RIMS2: variants seen among roughly 807,000 people sequenced by gnomAD.
RIMS2 encodes the protein regulating synaptic membrane exocytosis 2.
A neutral mutation model predicts 174.4 loss-of-function variants in RIMS2; 59 were observed. The observed-to-expected ratio is 0.34, with a 90% CI of 0.27 to 0.42. RIMS2 has a LOEUF of 0.42. RIMS2 is among the 10% of genes least tolerant of loss of function. The probability of loss-of-function intolerance (pLI) is 1.00; values close to 1 mark genes in which losing one functional copy is unlikely to be tolerated. For synonymous variants in RIMS2, 606 were observed against 572.5 expected (o/e 1.06, Z -0.84); for missense variants, 1,620 against 1,666.3 (o/e 0.97, Z 0.48).
intron 19 of RIMS2, among the ~76,000 whole-genome samples, chr8:104,027,126 AG>A (rs771901502): frequency 1.3e-5 from 2 of 152,160 alleles, no homozygotes; most frequent in Non-Finnish European, 2.9e-5. Context: ...TGGACTTGAA[AG>A]AGGAGAAACT....
intron 15 of RIMS2, among the ~76,000 whole-genome samples, chr8:103,965,980 A>G (rs1053927414): frequency 6.6e-6 from 1 of 152,106 alleles, no homozygotes; most frequent in East Asian, 1.9e-4. Context: ...AGCTTTGTGT[A>G]TCCAAGATTA....
chr8:103,663,205 A>G (rs2096625736), intron 1 of RIMS2, among the ~76,000 whole-genome samples: 1 of 151,580 alleles, frequency 6.6e-6, no homozygotes, highest in Non-Finnish European at 1.5e-5. Flanking sequence ...GGAGGAAAAG[A>G]CTCTCTTAAT....
intron 1 of RIMS2, among the ~76,000 whole-genome samples, chr8:103,666,952 G>A (rs1000988759): frequency 2.0e-5 from 3 of 152,096 alleles, no homozygotes; most frequent in African/African-American, 4.8e-5. Flanking sequence ...GAAACCATTT[G>A]ACATTCTATA....
chr8:103,979,081 C>T (rs1490214707), intron 16 of RIMS2, among the ~76,000 whole-genome samples: 1 of 151,858 alleles, frequency 6.6e-6, no homozygotes, highest in Admixed American at 6.6e-5. Flanking sequence ...TTTTAAATTC[C>T]TGGAACTTAT....
At chr8:104,030,707 C>T (rs543076690) in intron 19 of RIMS2, among the ~76,000 whole-genome samples, 1 of 152,284 alleles carries the variant, frequency 6.6e-6, no homozygotes, top group African/African-American at 2.4e-5. Flanking sequence ...ATATGGCTAA[C>T]TCCCTTACTA....
At chr8:104,151,435 G>A (rs1489413314) in intron 19 of RIMS2, among the ~76,000 whole-genome samples, 1 of 152,110 alleles carries the variant, frequency 6.6e-6, no homozygotes, top group Non-Finnish European at 1.5e-5. Context: ...CCCTCATGAT[G>A]ACTTATGCCT....
intron 3 of RIMS2, among the ~76,000 whole-genome samples, chr8:103,840,456 C>A (rs2098932848): frequency 6.7e-6 from 1 of 148,860 alleles, no homozygotes; most frequent in African/African-American, 2.5e-5. Context: ...ATTTTGACTG[C>A]TGTATAATAT....
At chr8:103,874,493 A>C (rs2099126237) in intron 3 of RIMS2, among the ~76,000 whole-genome samples, 3 of 152,030 alleles carry the variant, frequency 2.0e-5, no homozygotes, top group Admixed American at 2.0e-4. Context: ...TCTTCATTCA[A>C]AAGACTAAGT....
At chr8:104,181,067 G>A (rs573093075) in intron 19 of RIMS2, among the ~76,000 whole-genome samples, 1 of 151,754 alleles carries the variant, frequency 6.6e-6, no homozygotes, top group Admixed American at 6.6e-5. Flanking sequence ...AAGTATAGAA[G>A]AAAATGTGAG....
intron 1 of RIMS2, among the ~76,000 whole-genome samples, chr8:103,528,330 A>G (rs1835132703): frequency 6.6e-6 from 1 of 151,744 alleles, no homozygotes; most frequent in Non-Finnish European, 1.5e-5. Flanking sequence ...ATTTTCTTCC[A>G]TTCTGTAGGT....
At chr8:103,609,182 T>C (rs2095274593) in intron 1 of RIMS2, among the ~76,000 whole-genome samples, 1 of 152,218 alleles carries the variant, frequency 6.6e-6, no homozygotes, top group African/African-American at 2.4e-5. Context: ...TCATGTCTTT[T>C]ACCCACTTTT....
intron 1 of RIMS2, among the ~76,000 whole-genome samples, chr8:103,562,564 C>A (rs1388403746): frequency 6.6e-6 from 1 of 152,220 alleles, no homozygotes; most frequent in Non-Finnish European, 1.5e-5. Context: ...CTCCCTCCCG[C>A]TGCCTTCATG....
At chr8:104,117,283 T>C (rs2098293880) in intron 19 of RIMS2, among the ~76,000 whole-genome samples, 1 of 152,212 alleles carries the variant, frequency 6.6e-6, no homozygotes, top group African/African-American at 2.4e-5. Flanking sequence ...CATGTACTTC[T>C]GTAAGTTTTG....
chr8:103,672,768 C>T (rs969306087), intron 1 of RIMS2, among the ~76,000 whole-genome samples: 1 of 152,056 alleles, frequency 6.6e-6, no homozygotes, highest in East Asian at 1.9e-4. Flanking sequence ...CATCCCTTGT[C>T]CCTCCCAAAT....
intron 3 of RIMS2, among the ~76,000 whole-genome samples, chr8:103,793,488 A>T (rs2098520374): frequency 6.6e-6 from 1 of 152,222 alleles, no homozygotes; most frequent in African/African-American, 2.4e-5. Context: ...TGAATGGGCA[A>T]AAACTGGAAG....
intron 19 of RIMS2, among the ~76,000 whole-genome samples, chr8:104,083,440 T>C (rs1280617379): frequency 6.6e-6 from 1 of 152,178 alleles, no homozygotes; most frequent in African/African-American, 2.4e-5. Context: ...CCACATGATA[T>C]CTGTAATTTC....
intron 19 of RIMS2, among the ~76,000 whole-genome samples, chr8:104,071,728 G>A (rs539230772): frequency 4.6e-5 from 7 of 152,138 alleles, no homozygotes; most frequent in Admixed American, 1.3e-4. Context: ...GAGCCACCAC[G>A]CCCGGCCGGG....
At position 104,165,653 on chromosome 8, in the gene RIMS2, C is replaced by CT. The variant is rs1045861951; in HGVS notation, c.3335-79253dup. ...CTTTATCTGTCCTTGCTATCAACTG[C>CT]TTTTTTTTTTCTTAAAATAGTCCAC... On this transcript the variant is annotated intron_variant, in intron 19 of 23. Coordinates refer to ENST00000504942, the Ensembl canonical transcript of RIMS2. Among the ~76,000 whole-genome samples, 24 of 146,712 alleles carry CT rather than the reference C, an allele frequency of 1.6e-4. No individual in the cohort carries two copies. In the Middle Eastern group the frequency reaches 0.011, roughly 65 times the overall value.
chr8:104,060,510 C>A (rs1429375952), intron 19 of RIMS2, among the ~76,000 whole-genome samples: 3 of 151,808 alleles, frequency 2.0e-5, no homozygotes, highest in African/African-American at 7.3e-5. Context: ...TTGATCCTTT[C>A]AAAAAACCAG....
Sources: gnomAD v4.1 joint callset for allele counts (sites outside exome capture counted in the v4.1 genomes callset) on GRCh38, gnomAD v4.1.1 for gene constraint, MANE v1.5 for transcripts, NCBI Gene and HGNC (gene_info 2026-07-23, HGNC 2026-07-21) for gene names.